The following KLF12 variants were observed in gnomAD, a reference collection of about 807,000 sequenced individuals.
KLF12 encodes KLF transcription factor 12, also known as Krueppel-like factor 12.
Under a neutral mutation model 37.8 loss-of-function variants are expected in KLF12, and 9 were observed. That is an observed-to-expected ratio of 0.24 (90% CI 0.14 to 0.42). The LOEUF (loss-of-function observed/expected upper bound fraction) is 0.42. KLF12 is among the 10% of genes least tolerant of loss of function. KLF12 has a pLI of 1.00. For synonymous variants in KLF12, 208 were observed against 202.1 expected (o/e 1.03, Z -0.25); for missense variants, 411 against 516.0 (o/e 0.80, Z 1.97).
At chr13:74,226,298 C>T in the KLF12 span, among the ~76,000 whole-genome samples, 2 of 152,092 alleles carry the variant, frequency 1.3e-5, no homozygotes, top group Non-Finnish European at 1.5e-5. Flanking sequence ...ATGGGCAGGA[C>T]TTGCTAATGG....
chr13:73,794,952 C>A (rs1352462543), intron 5 of KLF12, among the ~76,000 whole-genome samples: 3 of 152,174 alleles, frequency 2.0e-5, no homozygotes, highest in Non-Finnish European at 4.4e-5. Context: ...TAAAATGAAA[C>A]AAGGAGTACA....
upstream of KLF12, among the ~76,000 whole-genome samples, chr13:74,136,255 T>G (rs1201509976): frequency 6.6e-6 from 1 of 152,096 alleles, no homozygotes; most frequent in Non-Finnish European, 1.5e-5. Context: ...GTTGCTGCGG[T>G]GCGGTCTCTG....
chr13:74,060,942 T>C (rs748359442), intron 1 of KLF12, among the ~76,000 whole-genome samples: 6 of 152,182 alleles, frequency 3.9e-5, no homozygotes, highest in Admixed American at 6.5e-5. Flanking sequence ...GAGAAATTAT[T>C]TTCTAGTAGA....
At chr13:74,014,624 T>C (rs532294353) in intron 1 of KLF12, among the ~76,000 whole-genome samples, 1 of 152,352 alleles carries the variant, frequency 6.6e-6, no homozygotes, top group Admixed American at 6.5e-5. Flanking sequence ...TATTTAATAT[T>C]CCAGTAGCAT....
At chr13:73,904,975 T>C (rs1480374703) in intron 3 of KLF12, among the ~76,000 whole-genome samples, 1 of 150,818 alleles carries the variant, frequency 6.6e-6, no homozygotes, top group Non-Finnish European at 1.5e-5. Flanking sequence ...AAAAAAATCA[T>C]CTAAAACAGA....
At chr13:74,135,546 C>A (rs1878520336), upstream of KLF12, among the ~76,000 whole-genome samples, 1 of 151,242 alleles carries the variant, frequency 6.6e-6, no homozygotes. Flanking sequence ...GGGTCAGCGC[C>A]GAGCCGGAGG....
chr13:73,965,223 T>C (rs1891141646), intron 2 of KLF12, among the ~76,000 whole-genome samples: 2 of 152,200 alleles, frequency 1.3e-5, no homozygotes, highest in South Asian at 2.1e-4. Context: ...CTGAGAACTT[T>C]ATACTTTAAT....
intron 1 of KLF12, among the ~76,000 whole-genome samples, chr13:74,056,251 C>T (rs1873235440): frequency 1.3e-5 from 2 of 152,162 alleles, no homozygotes; most frequent in South Asian, 2.1e-4. Context: ...AAACCAAGAA[C>T]CATATTGGGT....
intron 3 of KLF12, among the ~76,000 whole-genome samples, chr13:73,908,009 A>G (rs1888384549): frequency 1.3e-5 from 2 of 152,148 alleles, no homozygotes; most frequent in Admixed American, 6.5e-5. Flanking sequence ...GCCTGGAATG[A>G]GAATAGTCTA....
At chr13:74,146,480 C>T in the KLF12 span, among the ~76,000 whole-genome samples, 1 of 152,024 alleles carries the variant, frequency 6.6e-6, no homozygotes, top group Non-Finnish European at 1.5e-5. Flanking sequence ...TAGACTGTTG[C>T]CGAAACACTG....
chr13:73,923,901 C>T (rs1166461056), intron 3 of KLF12, among the ~76,000 whole-genome samples: 1 of 152,230 alleles, frequency 6.6e-6, no homozygotes, highest in Non-Finnish European at 1.5e-5. Context: ...AGACACTGAT[C>T]ATCAATACCA....
intron 2 of KLF12, among the ~76,000 whole-genome samples, chr13:73,944,882 G>A (rs533816980): frequency 4.9e-4 from 74 of 152,230 alleles, no homozygotes; most frequent in Non-Finnish European, 1.3e-4. Flanking sequence ...TTCAGTGCTC[G>A]CCTAAGGCCC....
chr13:74,191,250 T>C, the KLF12 span, among the ~76,000 whole-genome samples: 24 of 152,206 alleles, frequency 1.6e-4, no homozygotes, highest in Non-Finnish European at 3.2e-4. Context: ...TTGGCATCTG[T>C]GGCACGCAGG....
At chr13:73,753,502 G>A (rs1878928889) in intron 6 of KLF12, among the ~76,000 whole-genome samples, 1 of 152,130 alleles carries the variant, frequency 6.6e-6, no homozygotes, top group African/African-American at 2.4e-5. Flanking sequence ...TGTCACTCTT[G>A]CTCCACTACA....
intron 1 of KLF12, among the ~76,000 whole-genome samples, chr13:74,062,336 G>A (rs1873643994): frequency 6.6e-6 from 1 of 151,998 alleles, no homozygotes; most frequent in South Asian, 2.1e-4. Context: ...TGATGTATCT[G>A]GACTTTTTCT....
chr13:73,905,278 G>T (rs1303307775), intron 3 of KLF12, among the ~76,000 whole-genome samples: 1 of 152,012 alleles, frequency 6.6e-6, no homozygotes, highest in Non-Finnish European at 1.5e-5. Flanking sequence ...TCAAATTATT[G>T]TTTTACTTGT....
the KLF12 span, among the ~76,000 whole-genome samples, chr13:74,246,390 A>G: frequency 6.6e-6 from 1 of 152,224 alleles, no homozygotes; most frequent in African/African-American, 2.4e-5. Context: ...AAGCTAAAGT[A>G]TTTAGAATGT....
the KLF12 span, among the ~76,000 whole-genome samples, chr13:74,301,538 T>C: frequency 6.6e-6 from 1 of 152,158 alleles, no homozygotes; most frequent in Non-Finnish European, 1.5e-5. Flanking sequence ...TAGAGGCAAG[T>C]GATGAAAGGT....
At chr13:73,700,962 TA>T (rs1330054671) in intron 7 of KLF12, among the ~76,000 whole-genome samples, 1 of 152,182 alleles carries the variant, frequency 6.6e-6, no homozygotes, top group Non-Finnish European at 1.5e-5. Context: ...ATTAGAAAGA[TA>T]ATTAAGTTTG....
Sources: allele counts gnomAD v4.1 joint callset (sites outside exome capture counted in the v4.1 genomes callset), GRCh38; gene constraint gnomAD v4.1.1; transcripts MANE v1.5; gene names NCBI Gene and HGNC (gene_info 2026-07-23, HGNC 2026-07-21).